Variants in ARMH4 observed in about 807,000 individuals in gnomAD.
The protein encoded by ARMH4 is armadillo-like helical domain-containing protein 4.
In ARMH4, 49 loss-of-function variants were observed where a neutral mutation model predicts 61.9. The ratio of observed to expected loss-of-function variants is 0.79; its 90% CI spans 0.63 to 1.00. The LOEUF is 1.00. Among genes scored for constraint, ARMH4 ranks in the 50% least tolerant of loss-of-function variants. The pLI is 0.00. For missense variants in ARMH4, 934 were observed against 930.0 expected (o/e 1.00, Z -0.06); for synonymous variants, 368 against 341.5 (o/e 1.08, Z -0.85).
intron 5 of ARMH4, among the ~76,000 whole-genome samples, chr14:58,016,009 A>T (rs2141139314): frequency 6.6e-6 from 1 of 152,060 alleles, no homozygotes; most frequent in Non-Finnish European, 1.5e-5. Context: ...AGAAGTATGA[A>T]TGGATACAGC....
At chr14:58,123,158 G>A (rs755596467) in intron 4 of ARMH4, among the ~76,000 whole-genome samples, 8 of 152,144 alleles carry the variant, frequency 5.3e-5, no homozygotes, top group Non-Finnish European at 1.2e-4. Context: ...AATTATGCCT[G>A]AAAGCCCCAC....
chr14:58,130,372 G>C (rs1484793035), intron 4 of ARMH4, among the ~76,000 whole-genome samples: 1 of 152,098 alleles, frequency 6.6e-6, no homozygotes, highest in African/African-American at 2.4e-5. Context: ...ACCAGAGTCA[G>C]CTGCAAACCT....
chr14:58,009,704 A>G (rs1173413693), intron 6 of ARMH4, among the ~76,000 whole-genome samples: 3 of 149,888 alleles, frequency 2.0e-5, no homozygotes, highest in African/African-American at 7.4e-5. Context: ...CCAGCTACTC[A>G]GGAGGCTGAG....
intron 1 of ARMH4, among the ~76,000 whole-genome samples, chr14:58,146,945 G>T (rs946479480): frequency 6.6e-6 from 1 of 152,220 alleles, no homozygotes. Flanking sequence ...ACACAGGAGG[G>T]CTGTAGAGTG....
chr14:58,024,439 T>A (rs1882950923), intron 5 of ARMH4, among the ~76,000 whole-genome samples: 1 of 152,208 alleles, frequency 6.6e-6, no homozygotes, highest in Admixed American at 6.5e-5. Context: ...AGGGTCTTCC[T>A]CTAGAATAGA....
At chr14:58,049,738 C>CATT (rs1206024872) in intron 5 of ARMH4, among the ~76,000 whole-genome samples, 2 of 152,044 alleles carry the variant, frequency 1.3e-5, no homozygotes, top group Non-Finnish European at 2.9e-5. Flanking sequence ...TAAACAAAGG[C>CATT]ATTAATTAGG....
chr14:58,025,193 T>G (rs886647455), intron 5 of ARMH4, among the ~76,000 whole-genome samples: 1 of 152,110 alleles, frequency 6.6e-6, no homozygotes, highest in Non-Finnish European at 1.5e-5. Context: ...ATGAACAGAA[T>G]GAGGCATATA....
intron 4 of ARMH4, chr14:58,101,169 C>G (rs1885960926): frequency 6.6e-6 from 1 of 152,520 alleles, no homozygotes; most frequent in South Asian, 2.1e-4. Context: ...ATGCGTCACA[C>G]TCACTCACTG....
At chr14:58,043,119 A>T (rs187150104) in intron 5 of ARMH4, among the ~76,000 whole-genome samples, 79 of 152,282 alleles carry the variant, frequency 5.2e-4, no homozygotes, top group African/African-American at 1.7e-3. Context: ...CCAGCATCAT[A>T]CTGATACCAA....
chr14:58,134,455 A>G (rs1887237154), intron 2 of ARMH4, among the ~76,000 whole-genome samples: 1 of 152,190 alleles, frequency 6.6e-6, no homozygotes, highest in Non-Finnish European at 1.5e-5. Context: ...CAGACTACTT[A>G]TAAGTCAAGA....
rs2139977627 is a variant in ARMH4 at position 58,138,432 on chromosome 14, G to A, written c.927C>T (p.Ala309=). The A allele has an allele frequency of 6.2e-7, 1 of 1,613,886 alleles. No homozygotes were observed. The highest frequency in any genetic ancestry group is 8.5e-7 in the Non-Finnish European group (1 of 1,179,722). ...SVSTAVPAAS[A]LSDEWDDTKL... ...TGGTGTCATCCCACTCATCACTTAA[G>A]GCAGAGGCAGCTGGAACAGCTGTGC... The change falls in exon 2 of 8, where the codon GCC becomes GCT. Residue 309 remains alanine, a synonymous_variant. Transcript: ENST00000267485.
intron 5 of ARMH4, among the ~76,000 whole-genome samples, chr14:58,044,882 C>G (rs1883875339): frequency 6.6e-6 from 1 of 152,168 alleles, no homozygotes; most frequent in Non-Finnish European, 1.5e-5. Context: ...CACTGGCCAT[C>G]AGAGAAATGC....
chr14:58,054,577 C>T (rs1024928936), intron 5 of ARMH4, among the ~76,000 whole-genome samples: 7 of 152,070 alleles, frequency 4.6e-5, no homozygotes, highest in Admixed American at 6.6e-5. Flanking sequence ...CAAAGTGCTA[C>T]GTTGCATTGA....
intron 5 of ARMH4, among the ~76,000 whole-genome samples, chr14:58,016,251 G>A (rs375383941): frequency 2.0e-5 from 3 of 151,506 alleles, no homozygotes; most frequent in Admixed American, 2.0e-4. Context: ...AACACTCAAG[G>A]GAAAACAAAA....
At chr14:58,013,318 T>C (rs1882479333) in intron 5 of ARMH4, among the ~76,000 whole-genome samples, 1 of 152,234 alleles carries the variant, frequency 6.6e-6, no homozygotes, top group Non-Finnish European at 1.5e-5. Flanking sequence ...ACTTTATTTA[T>C]GGATATTAAA....
At chr14:58,095,236 G>A (rs1241596135) in intron 5 of ARMH4, among the ~76,000 whole-genome samples, 1 of 152,146 alleles carries the variant, frequency 6.6e-6, no homozygotes, top group African/African-American at 2.4e-5. Context: ...TAAAGTACTA[G>A]AGCATCCGAA....
At chr14:58,052,000 A>T (rs886552920) in intron 5 of ARMH4, among the ~76,000 whole-genome samples, 1 of 152,170 alleles carries the variant, frequency 6.6e-6, no homozygotes, top group Non-Finnish European at 1.5e-5. Context: ...GACCACTTCC[A>T]AAGTCCTGAT....
chr14:58,017,306 C>T (rs747817994), intron 5 of ARMH4, among the ~76,000 whole-genome samples: 10 of 152,080 alleles, frequency 6.6e-5, no homozygotes, highest in Non-Finnish European at 1.2e-4. Context: ...AGACCAACAC[C>T]CTGTCTCAAA....
intron 5 of ARMH4, among the ~76,000 whole-genome samples, chr14:58,036,904 C>T (rs1243002332): frequency 4.8e-5 from 6 of 124,956 alleles, no homozygotes; most frequent in African/African-American, 1.7e-4. Flanking sequence ...TAAAAGAGGA[C>T]ACAAACAAAT....
Sources: allele counts gnomAD v4.1 joint callset (sites outside exome capture counted in the v4.1 genomes callset), GRCh38; gene constraint gnomAD v4.1.1; transcripts MANE v1.5; gene names NCBI Gene and HGNC (gene_info 2026-07-23, HGNC 2026-07-21).